NLGN1: variants seen among roughly 807,000 people sequenced by gnomAD.
NLGN1 encodes the protein neuroligin-1.
Under a neutral mutation model 65.5 loss-of-function variants are expected in NLGN1, and 12 were observed. The observed-to-expected ratio is 0.18, with a 90% CI of 0.12 to 0.30. The LOEUF (loss-of-function observed/expected upper bound fraction) is 0.30. Among genes scored for constraint, NLGN1 ranks in the 10% least tolerant of loss-of-function variants. NLGN1 has a pLI of 1.00. For missense variants in NLGN1, 750 were observed against 1,007.1 expected, an observed-to-expected ratio of 0.74 and a Z score of 3.46; for synonymous variants, 350 against 359.5, an observed-to-expected ratio of 0.97 and a Z score of 0.30.
intron 2 of NLGN1, among the ~76,000 whole-genome samples, chr3:173,562,169 T>C (rs1291579761): frequency 2.0e-5 from 3 of 152,204 alleles, no homozygotes; most frequent in African/African-American, 7.2e-5. Flanking sequence ...TGCCAGGGAA[T>C]GTAGAAGAGA....
At chr3:173,599,036 AGT>A (rs1323739072) in intron 2 of NLGN1, among the ~76,000 whole-genome samples, 1 of 152,148 alleles carries the variant, frequency 6.6e-6, no homozygotes, top group African/African-American at 2.4e-5. Context: ...TGTGACCAAC[AGT>A]GTTTGTCCAG....
chr3:173,880,584 A>T (rs1255826629), intron 4 of NLGN1, among the ~76,000 whole-genome samples: 1 of 151,022 alleles, frequency 6.6e-6, no homozygotes, highest in Non-Finnish European at 1.5e-5. Flanking sequence ...AAATATATAT[A>T]TATTAATTTA....
intron 2 of NLGN1, among the ~76,000 whole-genome samples, chr3:173,554,973 T>G (rs1331775834): frequency 6.6e-6 from 1 of 152,198 alleles, no homozygotes. Flanking sequence ...TTGTATCTCA[T>G]TGTGGTTTTT....
intron 4 of NLGN1, among the ~76,000 whole-genome samples, chr3:174,097,071 G>T (rs545992806): frequency 6.6e-6 from 1 of 151,980 alleles, no homozygotes; most frequent in South Asian, 2.1e-4. Context: ...CCTTGGGAAC[G>T]ATTTGAGGGT....
rs1186586780 is a variant in NLGN1 at position 174,235,495 on chromosome 3, A to C, written c.647-39820A>C. ...GTGATTCTAGCTTAGTGATTTAGCA[A>C]ACCATTTTTAGTACATGTCATCCAG... is the stretch of plus-strand genomic sequence containing the variant. On this transcript the variant is annotated intron_variant, in intron 4 of 6. Coordinates refer to ENST00000457714, the Ensembl canonical transcript of NLGN1. Among the ~76,000 whole-genome samples, 13 of 152,150 alleles carry C rather than the reference A, an allele frequency of 8.5e-5. No homozygotes were observed. In the East Asian group the frequency reaches 2.5e-3, roughly 29 times the overall value.
intron 1 of NLGN1, chr3:173,398,568 G>A (rs2148591528): frequency 6.6e-6 from 1 of 152,276 alleles, no homozygotes; most frequent in African/African-American, 2.4e-5. Context: ...TTCCAGAGGA[G>A]GTTGTTAGTG....
intron 3 of NLGN1, among the ~76,000 whole-genome samples, chr3:173,720,664 G>A (rs1274744586): frequency 1.3e-5 from 2 of 152,158 alleles, no homozygotes. Flanking sequence ...GTATTGCTAT[G>A]TGAATACATT....
chr3:173,859,315 C>A (rs1215732179), intron 4 of NLGN1, among the ~76,000 whole-genome samples: 1 of 152,034 alleles, frequency 6.6e-6, no homozygotes, highest in Non-Finnish European at 1.5e-5. Flanking sequence ...TACTGACTTC[C>A]TGTTTCCATT....
intron 4 of NLGN1, among the ~76,000 whole-genome samples, chr3:174,007,739 T>C (rs1197665055): frequency 1.3e-5 from 2 of 152,198 alleles, no homozygotes; most frequent in African/African-American, 2.4e-5. Flanking sequence ...ATCCCACTAA[T>C]ACTGTAAACC....
intron 3 of NLGN1, among the ~76,000 whole-genome samples, chr3:173,729,921 A>C (rs1772487922): frequency 6.6e-6 from 1 of 151,968 alleles, no homozygotes; most frequent in South Asian, 2.1e-4. Context: ...TTTGTTTCAG[A>C]TATTTCACCT....
At chr3:173,441,795 A>G (rs1007200109) in intron 2 of NLGN1, among the ~76,000 whole-genome samples, 2 of 152,184 alleles carry the variant, frequency 1.3e-5, no homozygotes, top group African/African-American at 4.8e-5. Context: ...AATTTGGCTA[A>G]TGCAGAGTTG....
intron 2 of NLGN1, among the ~76,000 whole-genome samples, chr3:173,549,286 T>C (rs985995138): frequency 6.6e-6 from 1 of 151,966 alleles, no homozygotes; most frequent in Non-Finnish European, 1.5e-5. Flanking sequence ...CCTAGAGTGT[T>C]ATTACAACAT....
intron 4 of NLGN1, among the ~76,000 whole-genome samples, chr3:173,892,451 C>T (rs1467244521): frequency 6.6e-6 from 1 of 151,616 alleles, no homozygotes. Flanking sequence ...TCACAATAGC[C>T]CTGTAAGGTA....
chr3:173,615,326 C>A (rs1752891884), intron 3 of NLGN1, among the ~76,000 whole-genome samples: 1 of 152,118 alleles, frequency 6.6e-6, no homozygotes, highest in Non-Finnish European at 1.5e-5. Flanking sequence ...CCATGGCCTA[C>A]TATGGACAAA....
At chr3:174,229,821 A>G (rs1398453061) in intron 4 of NLGN1, among the ~76,000 whole-genome samples, 1 of 152,132 alleles carries the variant, frequency 6.6e-6, no homozygotes, top group African/African-American at 2.4e-5. Flanking sequence ...GCAATTTCTT[A>G]GCCTTGTTTT....
chr3:174,093,368 T>C (rs189091351), intron 4 of NLGN1, among the ~76,000 whole-genome samples: 2 of 152,310 alleles, frequency 1.3e-5, no homozygotes, highest in East Asian at 1.9e-4. Context: ...CATTGCCTGT[T>C]AGAAGATGAG....
chr3:173,992,411 A>T (rs1177213557), intron 4 of NLGN1, among the ~76,000 whole-genome samples: 1 of 152,146 alleles, frequency 6.6e-6, no homozygotes, highest in African/African-American at 2.4e-5. Flanking sequence ...ACAAATTGAG[A>T]AAGTCTTTTT....
At chr3:174,093,002 G>C (rs78063404) in intron 4 of NLGN1, among the ~76,000 whole-genome samples, 1,707 of 152,222 alleles carry the variant, frequency 0.011, 32 homozygotes, top group African/African-American at 0.038. Flanking sequence ...ATTCCCTTGA[G>C]CTAGCCAGTC....
intron 4 of NLGN1, among the ~76,000 whole-genome samples, chr3:173,966,148 C>A (rs1001590979): frequency 6.6e-6 from 1 of 152,178 alleles, no homozygotes; most frequent in African/African-American, 2.4e-5. Context: ...TTGTCCCTTT[C>A]TGTAACAATA....
Sources: allele counts gnomAD v4.1 joint callset (sites outside exome capture counted in the v4.1 genomes callset), GRCh38; gene constraint gnomAD v4.1.1; transcripts MANE v1.5; gene names NCBI Gene and HGNC (gene_info 2026-07-23, HGNC 2026-07-21).